ADAMTS5: variants seen among roughly 807,000 people sequenced by gnomAD.
The protein encoded by ADAMTS5 is A disintegrin and metalloproteinase with thrombospondin motifs 5.
A neutral mutation model predicts 81.4 loss-of-function variants in ADAMTS5; 54 were observed. The observed-to-expected ratio is 0.66, with a 90% CI of 0.53 to 0.83. The LOEUF is 0.83. ADAMTS5 is among the 40% of genes least tolerant of loss of function. ADAMTS5 has a pLI of 0.00. For synonymous variants in ADAMTS5, 532 were observed against 508.8 expected, an observed-to-expected ratio of 1.05 and a Z score of -0.61; for missense variants, 1,194 against 1,229.9, an observed-to-expected ratio of 0.97 and a Z score of 0.44.
At chr21:26,942,375 T>C (rs2123185364) in intron 3 of ADAMTS5, among the ~76,000 whole-genome samples, 1 of 152,310 alleles carries the variant, frequency 6.6e-6, no homozygotes, top group Middle Eastern at 3.4e-3. Context: ...CTTTGAACCG[T>C]ATATCATGAG....
intron 3 of ADAMTS5, among the ~76,000 whole-genome samples, chr21:26,937,111 G>A (rs1419423751): frequency 6.6e-6 from 1 of 152,154 alleles, no homozygotes; most frequent in East Asian, 1.9e-4. Context: ...TTTTTCTGGA[G>A]TCAAAATAAC....
intron 3 of ADAMTS5, among the ~76,000 whole-genome samples, chr21:26,938,252 A>AAAAAG (rs959915039): frequency 4.7e-4 from 72 of 152,298 alleles, no homozygotes; most frequent in African/African-American, 1.7e-3. Flanking sequence ...TCTCAAAAAA[A>AAAAAG]AAAAGAAAAG....
At chr21:26,952,738 A>G (rs55787811) in intron 2 of ADAMTS5, among the ~76,000 whole-genome samples, 4,165 of 152,284 alleles carry the variant, frequency 0.027, 99 homozygotes, top group South Asian at 0.053. Flanking sequence ...CTTATTCCCC[A>G]TAATTTCTCC....
intron 3 of ADAMTS5, among the ~76,000 whole-genome samples, chr21:26,937,367 G>T (rs536650138): frequency 1.6e-4 from 25 of 152,322 alleles, no homozygotes; most frequent in African/African-American, 6.0e-4. Flanking sequence ...TACATGTGGA[G>T]ATGATCTTCT....
Position 26,924,235 on chromosome 21 carries a change from C to G in ADAMTS5, c.2611G>C (p.Gly871Arg), listed in dbSNP as rs1363799728. The G allele has an allele frequency of 6.2e-7, 1 of 1,614,156 alleles. No homozygotes were observed. The highest frequency in any genetic ancestry group is 8.5e-7 in the Non-Finnish European group (1 of 1,180,028). The part of the protein sequence containing the change: ...SVTSHGSNKV[G>R]SHTSQPQWVT... The stretch of plus-strand genomic sequence containing the variant: ...CACTGCGGCTGCGAAGTGTGTGATC[C>G]CACTTTATTGCTGCCATGACTAGTG... The change falls in exon 8 of 8, where the codon GGA (glycine) becomes CGA (arginine). Residue 871 changes from glycine to arginine, a missense_variant. Physicochemically the swap from Gly to Arg is moderately radical, Grantham distance 125. Transcript: ENST00000284987.
At chr21:26,940,419 G>A (rs1232477363) in intron 3 of ADAMTS5, among the ~76,000 whole-genome samples, 1 of 152,172 alleles carries the variant, frequency 6.6e-6, no homozygotes, top group Non-Finnish European at 1.5e-5. Context: ...TAACTTGAGG[G>A]ACCATGTTGG....
intron 1 of ADAMTS5, among the ~76,000 whole-genome samples, chr21:26,964,722 T>A (rs1204753980): frequency 1.3e-5 from 2 of 152,146 alleles, no homozygotes; most frequent in African/African-American, 2.4e-5. Flanking sequence ...ATGTAAGAAC[T>A]CCATTAGGAA....
intron 1 of ADAMTS5, among the ~76,000 whole-genome samples, chr21:26,963,784 T>G (rs910333365): frequency 4.0e-5 from 6 of 151,462 alleles, no homozygotes; most frequent in Non-Finnish European, 8.8e-5. Flanking sequence ...AGACTAATGT[T>G]GTGCAGAGGA....
chr21:26,940,612 C>T (rs1161314200), intron 3 of ADAMTS5, among the ~76,000 whole-genome samples: 1 of 152,064 alleles, frequency 6.6e-6, no homozygotes, highest in Non-Finnish European at 1.5e-5. Flanking sequence ...AATTGAGTGG[C>T]CTAGAAAATT....
intron 2 of ADAMTS5, among the ~76,000 whole-genome samples, chr21:26,946,696 AG>A (rs1285981434): frequency 6.6e-6 from 1 of 152,158 alleles, no homozygotes; most frequent in African/African-American, 2.4e-5. Context: ...AATATAAAAG[AG>A]TGTGGAGAAA....
chr21:26,936,634 T>G (rs1057351903), intron 3 of ADAMTS5, among the ~76,000 whole-genome samples: 5 of 152,282 alleles, frequency 3.3e-5, no homozygotes, highest in Non-Finnish European at 1.5e-5. Flanking sequence ...CCTATTTAAC[T>G]TCTGAGCCAG....
chr21:26,952,828 T>C (rs1369797339), intron 2 of ADAMTS5, among the ~76,000 whole-genome samples: 2 of 152,216 alleles, frequency 1.3e-5, no homozygotes, highest in Non-Finnish European at 2.9e-5. Context: ...CTCTGAATGA[T>C]GGTGATTAAT....
At chr21:26,943,624 CTTGA>C (rs1987157962) in intron 2 of ADAMTS5, 77 bp from the exon 3 acceptor site, 4 of 1,398,086 alleles carry the variant, frequency 2.9e-6, no homozygotes, top group Non-Finnish European at 3.9e-6. Flanking sequence ...TATGCTAGGG[CTTGA>C]TTTTTTTCCC....
At position 26,954,740 on chromosome 21, in the gene ADAMTS5, G is replaced by A. The variant is rs150750089; in HGVS notation, c.1236C>T (p.Ile412=). Residue 412 remains isoleucine (I), a splice_region_variant and synonymous_variant, in exon 2 of 8, where the codon ATC becomes ATT. Transcript: ENST00000284987. ...GGGAAAAGAAAAGGCGCTGCATACCGATTTCGTGAGCCACAGTGAAGGCTG... is the reference window on the plus strand; with the variant it reads ...GGGAAAAGAAAAGGCGCTGCATACCAATTTCGTGAGCCACAGTGAAGGCTG... ...LHAAFTVAHE[I]GHLLGLSHDD... The A allele has an allele frequency of 3.7e-6, 6 of 1,613,766 alleles. No homozygotes were observed. In the African/African-American group the frequency reaches 4.0e-5, roughly 11 times the overall value.
intron 1 of ADAMTS5, among the ~76,000 whole-genome samples, chr21:26,955,173 C>T (rs1449643070): frequency 6.6e-6 from 1 of 152,208 alleles, no homozygotes; most frequent in African/African-American, 2.4e-5. Flanking sequence ...CGTCTCTGAT[C>T]ACCTTCCCAT....
chr21:26,930,570 G>A (rs1205540544), intron 6 of ADAMTS5, among the ~76,000 whole-genome samples: 1 of 152,148 alleles, frequency 6.6e-6, no homozygotes, highest in African/African-American at 2.4e-5. Flanking sequence ...CACTGAAATC[G>A]ACACAACCAA....
chr21:26,954,675 T>C (rs1987385878), intron 2 of ADAMTS5, 64 bp downstream of exon 2: 1 of 1,586,682 alleles, frequency 6.3e-7, no homozygotes, highest in Non-Finnish European at 8.6e-7. Context: ...CTAAGTATTT[T>C]GGTTCCTGTT....
In ADAMTS5 at chr21:26,947,506, T is replaced by C. The variant is rs554549139; in HGVS notation, c.1238-3959A>G. ...TGGAGTGCAAAGGCAAGATCTCTGC[T>C]CACTGCAATCTCCACCTCCCGGGTT... On this transcript the variant is annotated intron_variant, in intron 2 of 7. Coordinates refer to ENST00000284987, the MANE Select transcript of ADAMTS5 (RefSeq NM_007038.5). Among the ~76,000 whole-genome samples the C allele has an allele frequency of 2.6e-5, 4 of 152,150 alleles. No homozygotes were observed. In the East Asian group the frequency reaches 7.7e-4, roughly 29 times the overall value.
chr21:26,928,783 T>G (rs1986853111), intron 7 of ADAMTS5, among the ~76,000 whole-genome samples: 1 of 151,862 alleles, frequency 6.6e-6, no homozygotes, highest in African/African-American at 2.4e-5. Flanking sequence ...GGATTTCAGT[T>G]ATGGTGTCTG....
Sources: allele counts gnomAD v4.1 joint callset (sites outside exome capture counted in the v4.1 genomes callset), GRCh38; gene constraint gnomAD v4.1.1; transcripts MANE v1.5; gene names NCBI Gene and HGNC (gene_info 2026-07-23, HGNC 2026-07-21).